SLC35D2: variants seen among roughly 807,000 people sequenced by gnomAD.
SLC35D2 encodes nucleotide sugar transporter SLC35D2.
SLC35D2 carries 43 observed loss-of-function variants against 41.8 expected under a neutral mutation model. The ratio of observed to expected loss-of-function variants is 1.03; its 90% CI spans 0.81 to 1.33. The LOEUF is 1.33. Among genes scored for constraint, SLC35D2 ranks in the 40% most tolerant of loss-of-function variants. SLC35D2 has a pLI of 0.00. For synonymous variants in SLC35D2, 150 were observed against 163.9 expected, an observed-to-expected ratio of 0.92 and a Z score of 0.65; for missense variants, 380 against 408.4, an observed-to-expected ratio of 0.93 and a Z score of 0.60.
At chr9:96,331,315 GCTTTT>G (rs1048996051) in intron 9 of SLC35D2, among the ~76,000 whole-genome samples, 2 of 152,132 alleles carry the variant, frequency 1.3e-5, no homozygotes, top group Non-Finnish European at 1.5e-5. Flanking sequence ...CTGTATGCTT[GCTTTT>G]ATCTTATGTA....
At chr9:96,318,118 C>A (rs764729212), downstream of SLC35D2, among the ~76,000 whole-genome samples, 17 of 105,176 alleles carry the variant, frequency 1.6e-4, no homozygotes, top group Non-Finnish European at 3.1e-4. Context: ...TGCTTGTAGA[C>A]ACAGATCTTG....
At chr9:96,378,892 G>A (rs776779142) in intron 1 of SLC35D2, among the ~76,000 whole-genome samples, 11 of 151,736 alleles carry the variant, frequency 7.2e-5, no homozygotes, top group Non-Finnish European at 1.3e-4. Flanking sequence ...TCATGCCACC[G>A]CGCTCCAGCC....
intron 1 of SLC35D2, among the ~76,000 whole-genome samples, chr9:96,373,234 GC>G (rs1830785908): frequency 6.6e-6 from 1 of 152,092 alleles, no homozygotes; most frequent in African/African-American, 2.4e-5. Context: ...GCTATGTGGA[GC>G]TAGAACGATA....
intron 9 of SLC35D2, among the ~76,000 whole-genome samples, chr9:96,327,027 C>T (rs1828567089): frequency 6.6e-6 from 1 of 152,178 alleles, no homozygotes; most frequent in Non-Finnish European, 1.5e-5. Flanking sequence ...CACTCAGACC[C>T]AGATCAGAGG....
rs34633441 is a variant in SLC35D2 at position 96,358,080 on chromosome 9, T to TTATATATATATATATATATATATATATA, written c.347+2046_347+2073dup. 1.1e-3 allele frequency among the ~76,000 whole-genome samples: 129 copies of TTATATATATATATATATATATATATATA among 122,616 alleles called. 7 individuals carry two copies. Among genetic ancestry groups the TTATATATATATATATATATATATATATA allele is most frequent in the African/African-American group, 4.7e-3 (120 of 25,554 alleles). The allele number at this position is 122,616 out of a possible 152,430, so 80.4% of individuals were successfully genotyped here. On this transcript the variant is annotated intron_variant, in intron 4 of 11. Transcript: ENST00000253270. The stretch of plus-strand genomic sequence containing the variant: ...ATGGATAAACAAAATATTATATATT[T>TTATATATATATATATATATATATATATA]TATATATATATATATATATATATAT...
At chr9:96,380,172 T>A (rs996882374) in intron 1 of SLC35D2, among the ~76,000 whole-genome samples, 1 of 152,016 alleles carries the variant, frequency 6.6e-6, no homozygotes, top group Non-Finnish European at 1.5e-5. Context: ...GCTGGGAGTA[T>A]AGGCGTGAGC....
chr9:96,332,291 G>A (rs1396120816), intron 9 of SLC35D2, among the ~76,000 whole-genome samples: 1 of 152,048 alleles, frequency 6.6e-6, no homozygotes, highest in South Asian at 2.1e-4. Context: ...GGAGAGAAGA[G>A]ACAGCCCAAG....
chr9:96,324,549 C>CTTTTTTTTTTTTTTTTTTGTTTTTTT lies in SLC35D2; in HGVS notation c.753-381_753-380insAAAAAAACAAAAAAAAAAAAAAAAAA, dbSNP rs57775451. Reference sequence around the variant, plus strand: ...CTGTGCCTCAGAATCGCCTGCTGCACTTTTTTTTTTTTTTTTTGGTGGGGA... The same window carrying CTTTTTTTTTTTTTTTTTTGTTTTTTT: ...CTGTGCCTCAGAATCGCCTGCTGCACTTTTTTTTTTTTTTTTTTGTTTTTTTTTTTTTTTTTTTTTTTTGGTGGGGA... On this transcript the variant is annotated intron_variant, in intron 9 of 11. Transcript: ENST00000253270. Among the ~76,000 whole-genome samples, 2 of 117,780 alleles carry CTTTTTTTTTTTTTTTTTTGTTTTTTT rather than the reference C, an allele frequency of 1.7e-5. 1 individual carries two copies. The highest frequency in any genetic ancestry group is 3.5e-5 in the Non-Finnish European group (2 of 56,458). The allele number at this position is 117,780 out of a possible 152,430, so 77.3% of individuals were successfully genotyped here.
At chr9:96,315,022 G>A (rs914167427) in intron 11 of SLC35D2, 14 of 152,156 alleles carry the variant, frequency 9.2e-5, no homozygotes, top group African/African-American at 3.4e-4. Flanking sequence ...ATAATGTCTG[G>A]AGACTGTAAT....
chr9:96,334,229 G>C (rs565208863), intron 9 of SLC35D2, among the ~76,000 whole-genome samples: 2 of 152,108 alleles, frequency 1.3e-5, no homozygotes, highest in African/African-American at 2.4e-5. Context: ...CTCCCAAAAG[G>C]CCTAAAGGGA....
intron 8 of SLC35D2, 24 bp downstream of exon 8, chr9:96,343,864 AGCCAGCTAAGGAAAAC>A: frequency 7.5e-7 from 1 of 1,338,314 alleles, no homozygotes; most frequent in South Asian, 1.4e-5. Context: ...AATTTTTTAA[AGCCAGCTAAGGAAAAC>A]TGTAATGATT....
intron 7 of SLC35D2, 28 bp downstream of exon 7, chr9:96,345,271 C>A: frequency 8.0e-7 from 1 of 1,244,316 alleles, no homozygotes; most frequent in Non-Finnish European, 1.2e-6. Context: ...GATGACAGAG[C>A]CAAAAAGCCA....
At chr9:96,362,586 GAA>G (rs2130982541) in intron 3 of SLC35D2, among the ~76,000 whole-genome samples, 1 of 152,108 alleles carries the variant, frequency 6.6e-6, no homozygotes, top group South Asian at 2.1e-4. Context: ...ATTATTGTTA[GAA>G]AAGTTAGGAT....
At chr9:96,347,254 G>T (rs560280956) in intron 6 of SLC35D2, among the ~76,000 whole-genome samples, 2 of 152,110 alleles carry the variant, frequency 1.3e-5, no homozygotes, top group Admixed American at 1.3e-4. Context: ...GAAAGGGGAT[G>T]GGGGGAGATG....
At chr9:96,362,146 A>T (rs1349013883) in intron 3 of SLC35D2, among the ~76,000 whole-genome samples, 1 of 152,234 alleles carries the variant, frequency 6.6e-6, no homozygotes, top group Non-Finnish European at 1.5e-5. Context: ...AAGAAGCAAG[A>T]TACCTAAGAA....
chr9:96,343,872 A>C (rs944305884), intron 8 of SLC35D2, 32 bp downstream of exon 8: 6 of 1,393,686 alleles, frequency 4.3e-6, no homozygotes, highest in Middle Eastern at 1.8e-4. Flanking sequence ...AAAGCCAGCT[A>C]AGGAAAACTG....
intron 1 of SLC35D2, among the ~76,000 whole-genome samples, chr9:96,372,854 G>A (rs1316114012): frequency 2.7e-5 from 4 of 150,422 alleles, no homozygotes; most frequent in Non-Finnish European, 5.9e-5. Context: ...CCAAAGTGCT[G>A]GGATTACAGG....
chr9:96,381,410 C>A (rs1033121113), intron 1 of SLC35D2, among the ~76,000 whole-genome samples: 1 of 152,176 alleles, frequency 6.6e-6, no homozygotes, highest in African/African-American at 2.4e-5. Flanking sequence ...CATCTGCTAC[C>A]ATTCCCATTC....
chr9:96,370,046 C>T (rs1023544042), intron 1 of SLC35D2, among the ~76,000 whole-genome samples: 50 of 152,186 alleles, frequency 3.3e-4, no homozygotes, highest in African/African-American at 1.2e-3. Context: ...CCAGCTGGGT[C>T]CTCTGCTGCA....
Sources: allele counts gnomAD v4.1 joint callset (sites outside exome capture counted in the v4.1 genomes callset), GRCh38; gene constraint gnomAD v4.1.1; transcripts MANE v1.5; gene names NCBI Gene and HGNC (gene_info 2026-07-23, HGNC 2026-07-21).